DDX43: variants seen among roughly 807,000 people sequenced by gnomAD.
DDX43 encodes the protein DEAD-box helicase 43, also known as probable ATP-dependent RNA helicase DDX43.
Under a neutral mutation model 84.9 loss-of-function variants are expected in DDX43, and 50 were observed. The ratio of observed to expected loss-of-function variants is 0.59; its 90% CI spans 0.47 to 0.75. DDX43 has a LOEUF of 0.75. Among genes scored for constraint, DDX43 ranks in the 30% least tolerant of loss-of-function variants. The pLI is 0.00. For synonymous variants in DDX43, 291 were observed against 266.3 expected (o/e 1.09, Z -0.90); for missense variants, 689 against 798.6 (o/e 0.86, Z 1.65).
intron 10 of DDX43, among the ~76,000 whole-genome samples, chr6:73,411,607 G>A (rs1365727635): frequency 6.6e-6 from 1 of 152,088 alleles, no homozygotes; most frequent in Non-Finnish European, 1.5e-5. Flanking sequence ...TGGGATTACA[G>A]GCATGAGCCA....
chr6:73,412,638 A>AGTGTGTGTGTGTGTGTGT lies in DDX43; in HGVS notation c.1368+360_1368+377dup, dbSNP rs66577187. Among the ~76,000 whole-genome samples, 58 of 59,706 alleles carry AGTGTGTGTGTGTGTGTGT rather than the reference A, an allele frequency of 9.7e-4. No individual in the cohort carries two copies. In the East Asian group the frequency reaches 0.013, roughly 13 times the overall value. The allele number at this position is 59,706 out of a possible 152,430, so 39.2% of individuals were successfully genotyped here. On this transcript the variant is annotated intron_variant, in intron 11 of 16. Coordinates refer to ENST00000370336, the MANE Select transcript of DDX43 (RefSeq NM_018665.3). ...CTGGGTTCAAGTGATATATATATAT[A>AGTGTGTGTGTGTGTGTGT]GTGTGTGTGTGTGTGTGTGTGTGTG... is the stretch of plus-strand genomic sequence containing the variant.
At position 73,395,630 on chromosome 6, in the gene DDX43, A is replaced by T. The variant is rs546409850; in HGVS notation, c.250+475A>T. The stretch of plus-strand genomic sequence containing the variant: ...CTCCGTCTCAATTAAAAAAAAAAAA[A>T]AAAAGTAATTTAATCCACCTTTTGG... On this transcript the variant is annotated intron_variant, in intron 1 of 16. Coordinates refer to ENST00000370336, the MANE Select transcript of DDX43 (RefSeq NM_018665.3). Among the ~76,000 whole-genome samples, 757 of 152,068 alleles carry T rather than the reference A, an allele frequency of 5.0e-3. 7 individuals carry two copies. The highest frequency in any genetic ancestry group is 0.017 in the African/African-American group (721 of 41,468).
Position 73,414,053 on chromosome 6 carries a change from A to G in DDX43, c.1580A>G (p.Glu527Gly). 6.2e-7 allele frequency: 1 copy of G among 1,604,596 alleles called. No homozygotes were observed. The highest frequency in any genetic ancestry group is 1.1e-5 in the South Asian group (1 of 90,858). ...GGAGATAGAGAACAGAGAGATCGGG[A>G]GAAAGCATTAGAGAACTTTAAAACA... ...LHGDREQRDR[E>G]KALENFKTGK... The change falls in exon 13 of 17, where the codon GAG (glutamate) becomes GGG (glycine). Residue 527 changes from glutamate to glycine, a missense_variant. Coordinates refer to ENST00000370336, the MANE Select transcript of DDX43 (RefSeq NM_018665.3).
At chr6:73,412,699 G>C (rs1254610561) in intron 11 of DDX43, among the ~76,000 whole-genome samples, 2 of 135,728 alleles carry the variant, frequency 1.5e-5, no homozygotes, top group Non-Finnish European at 3.2e-5. Context: ...GTGCGCGTGC[G>C]TGCGCACGCA....
In DDX43 at chr6:73,409,125, C is replaced by G. The variant is rs1001023763; in HGVS notation, c.1180-123C>G. On this transcript the variant is annotated intron_variant, in intron 9 of 16. Coordinates refer to ENST00000370336, the MANE Select transcript of DDX43 (RefSeq NM_018665.3). ...TTCTGACCTCTGGAGAAATTAGAATCGTGGCTTAAGTAATAGGGGAAATGA... is the reference window on the plus strand; with the variant it reads ...TTCTGACCTCTGGAGAAATTAGAATGGTGGCTTAAGTAATAGGGGAAATGA... The G allele has an allele frequency of 7.0e-6, 5 of 716,242 alleles. 2 individuals are homozygous for G. In the South Asian group the frequency reaches 8.9e-5, roughly 13 times the overall value. 44.4% of individuals were successfully genotyped at this position (716,242 alleles called of 1,614,324 possible). A position where few individuals can be genotyped will look rare whatever the true frequency, so the allele number is the denominator to read the frequency against.
At chr6:73,406,749 C>T (rs559665592) in intron 7 of DDX43, among the ~76,000 whole-genome samples, 7 of 152,252 alleles carry the variant, frequency 4.6e-5, no homozygotes, top group African/African-American at 1.7e-4. Context: ...TTATCTATTC[C>T]ATGATAAAAT....
chr6:73,412,672 C>CGT, intron 11 of DDX43, among the ~76,000 whole-genome samples: 1 of 42,892 alleles, frequency 2.3e-5, no homozygotes, highest in East Asian at 8.7e-4. Flanking sequence ...TGTGTGTGCG[C>CGT]GCGCGCGTGT....
At chr6:73,395,240 C>T (rs1259475328) in intron 1 of DDX43, 85 bp downstream of exon 1, 4 of 1,456,492 alleles carry the variant, frequency 2.7e-6, no homozygotes, top group Non-Finnish European at 3.7e-6. Context: ...CACTGCCTCA[C>T]CTCCAATCAG....
In DDX43 at chr6:73,407,624, T is replaced by C; in HGVS notation, c.1037+9T>C. Reference sequence around the variant, plus strand: ...TATAAAGGGCTTCGGAGGTAAGTAATTTTTTTTCCCATTCCTTCACCAGTA... The same window carrying C: ...TATAAAGGGCTTCGGAGGTAAGTAACTTTTTTTCCCATTCCTTCACCAGTA... On this transcript the variant is annotated intron_variant, in intron 8 of 16. Coordinates refer to ENST00000370336, the MANE Select transcript of DDX43 (RefSeq NM_018665.3). 1 of 1,539,278 alleles carries C rather than the reference T, an allele frequency of 6.5e-7. No individual in the cohort carries two copies. Among genetic ancestry groups the C allele is most frequent in the Non-Finnish European group, 9.0e-7 (1 of 1,116,982 alleles).
At chr6:73,402,189 C>T (rs1425748010) in intron 4 of DDX43, among the ~76,000 whole-genome samples, 199 bp downstream of exon 4, 1 of 152,084 alleles carries the variant, frequency 6.6e-6, no homozygotes, top group Non-Finnish European at 1.5e-5. Context: ...AATATTAAAC[C>T]TATTTATAGT....
At chr6:73,413,894 G>C in intron 12 of DDX43, 76 bp from the exon 13 acceptor site, 1 of 1,523,590 alleles carries the variant, frequency 6.6e-7, no homozygotes, top group Non-Finnish European at 9.0e-7. Flanking sequence ...TGTTACTTTA[G>C]ATTTTTGCTA....
intron 4 of DDX43, among the ~76,000 whole-genome samples, chr6:73,404,383 G>A (rs368565721): frequency 1.9e-4 from 29 of 152,124 alleles, no homozygotes; most frequent in African/African-American, 7.0e-4. Flanking sequence ...GTGAGCCACT[G>A]CGCCTGGCCA....
Position 73,404,752 on chromosome 6 carries a change from G to A in DDX43, c.631G>A (p.Val211Ile), listed in dbSNP as rs370121261. 2.5e-5 allele frequency: 41 copies of A among 1,612,838 alleles called. No homozygotes were observed. Among genetic ancestry groups the A allele is most frequent in the Admixed American group, 2.3e-4 (14 of 59,770 alleles). Reference sequence around the variant, plus strand: ...CACTGCCACAAGTGCCATGTCAAAAGTAGAAGCAGATAGTTGGAGGTGGGT... The same window carrying A: ...CACTGCCACAAGTGCCATGTCAAAAATAGAAGCAGATAGTTGGAGGTGGGT... ...ESTATSAMSKVEADSWRKENF... is the reference protein window; with the variant it reads ...ESTATSAMSKIEADSWRKENF... Residue 211 changes from valine (V) to isoleucine (I), a missense_variant, in exon 5 of 17, where the codon GTA becomes ATA. Around this residue, in one of 2 missense-constraint regions of DDX43, gnomAD observed 552 missense variants for 692.7 expected, o/e 0.80. Coordinates refer to ENST00000370336, the MANE Select transcript of DDX43 (RefSeq NM_018665.3).
chr6:73,412,595 C>T (rs1769808251), intron 11 of DDX43, among the ~76,000 whole-genome samples: 1 of 148,594 alleles, frequency 6.7e-6, no homozygotes, highest in South Asian at 2.2e-4. Context: ...GATCTCGGCT[C>T]ACTGCAACCT....
chr6:73,412,294 T>C lies in DDX43; in HGVS notation c.1368+2T>C. 1 of 1,603,320 alleles carries C rather than the reference T, an allele frequency of 6.2e-7. No individual in the cohort carries two copies. Among genetic ancestry groups the C allele is most frequent in the East Asian group, 2.2e-5 (1 of 44,828 alleles). ...TATGTTGGTACATTGGATCTAGTTG[T>C]AAGCTTTTTTTTATTACTATTGTTT... On this transcript the variant is annotated splice_donor_variant, in intron 11 of 16. Transcript: ENST00000370336. LOFTEE classifies it high-confidence loss of function.
intron 4 of DDX43, among the ~76,000 whole-genome samples, chr6:73,404,141 G>T (rs777766057): frequency 6.6e-6 from 1 of 151,178 alleles, no homozygotes; most frequent in Admixed American, 6.6e-5. Flanking sequence ...CTGAGACAGA[G>T]TTTCACTTTT....
At chr6:73,398,591 G>A (rs1478053612) in intron 2 of DDX43, among the ~76,000 whole-genome samples, 4 of 152,150 alleles carry the variant, frequency 2.6e-5, no homozygotes, top group Non-Finnish European at 4.4e-5. Context: ...ATAAGAATGA[G>A]ATCACTGGAA....
At chr6:73,397,089 G>A (rs1423658553) in intron 1 of DDX43, among the ~76,000 whole-genome samples, 4 of 152,134 alleles carry the variant, frequency 2.6e-5, no homozygotes, top group African/African-American at 9.7e-5. Context: ...TGAGACTGCT[G>A]GATCATATGT....
chr6:73,409,798 AG>A (rs1769751534), intron 10 of DDX43, among the ~76,000 whole-genome samples: 1 of 152,194 alleles, frequency 6.6e-6, no homozygotes, highest in African/African-American at 2.4e-5. Flanking sequence ...TGGGAGGCCG[AG>A]GTGGGTGGAT....
Sources: gnomAD v4.1 joint callset for allele counts (sites outside exome capture counted in the v4.1 genomes callset) on GRCh38, gnomAD v4.1.1 for gene constraint, gnomAD v4.1.1 regional missense constraint, MANE v1.5 for transcripts, NCBI Gene and HGNC (gene_info 2026-07-23, HGNC 2026-07-21) for gene names.